The following PRKG1 variants were observed in gnomAD, a reference collection of about 807,000 sequenced individuals.
PRKG1 encodes cGMP-dependent protein kinase 1.
In PRKG1, 35 loss-of-function variants were observed where a neutral mutation model predicts 88.1. The ratio of observed to expected loss-of-function variants is 0.40; its 90% confidence interval spans 0.30 to 0.53. The LOEUF (loss-of-function observed/expected upper bound fraction) is 0.53, where lower values mean the gene tolerates loss of function less well. Among genes scored for constraint, PRKG1 ranks in the 20% least tolerant of loss-of-function variants. The pLI, the probability that PRKG1 is intolerant of heterozygous loss-of-function variation, is 0.59. For synonymous variants in PRKG1, 303 were observed against 292.5 expected, an observed-to-expected ratio of 1.04 and a Z score of -0.37; for missense variants, 540 against 839.8, an observed-to-expected ratio of 0.64 and a Z score of 4.41.
intron 4 of PRKG1, among the ~76,000 whole-genome samples, chr10:51,882,785 A>T (rs1171292683): frequency 6.6e-6 from 1 of 152,184 alleles, no homozygotes; most frequent in Non-Finnish European, 1.5e-5. Context: ...TCATGCCAAT[A>T]GACTTCTGGT....
rs1173460304 is a variant in PRKG1 at position 51,270,360 on chromosome 10, T to A, written c.478+117030T>A. Among the ~76,000 whole-genome samples, 3 of 152,160 alleles carry A rather than the reference T, an allele frequency of 2.0e-5. No homozygotes were observed. In the East Asian group the frequency reaches 5.8e-4, roughly 29 times the overall value. The stretch of plus-strand genomic sequence containing the variant: ...GCAAGCTCTGATCATTCATTTTGGA[T>A]TTTTTAAGAGTAATTTGGTGGAGGA... On this transcript the variant is annotated intron_variant, in intron 2 of 17. Transcript: ENST00000373980.
chr10:51,596,538 T>C (rs4935270), intron 3 of PRKG1, among the ~76,000 whole-genome samples: 45,833 of 152,016 alleles, frequency 0.3, 8,100 homozygotes, highest in Non-Finnish European at 0.4. Flanking sequence ...TCCCTTTTTT[T>C]CCTCTTCCTC....
intron 2 of PRKG1, among the ~76,000 whole-genome samples, chr10:51,364,071 G>A (rs1021527931): frequency 6.6e-6 from 1 of 151,950 alleles, no homozygotes; most frequent in African/African-American, 2.4e-5. Context: ...GGCAGGACAT[G>A]CTCAGCCTTC....
intron 3 of PRKG1, chr10:51,699,478 T>G (rs992215828): frequency 1.2e-6 from 2 of 1,613,704 alleles, no homozygotes; most frequent in Non-Finnish European, 8.5e-7. Context: ...TTGCCTCATA[T>G]GGAATGTTCC....
At chr10:51,189,732 T>C (rs917878474) in intron 2 of PRKG1, among the ~76,000 whole-genome samples, 2 of 151,974 alleles carry the variant, frequency 1.3e-5, no homozygotes, top group Admixed American at 6.6e-5. Flanking sequence ...AATTAAAATA[T>C]TATGAATGTA....
intron 3 of PRKG1, among the ~76,000 whole-genome samples, chr10:51,658,948 T>C (rs991093704): frequency 6.6e-6 from 1 of 152,102 alleles, no homozygotes; most frequent in Non-Finnish European, 1.5e-5. Flanking sequence ...TCTACTCCCA[T>C]ATTACTAGAC....
chr10:51,413,401 T>C (rs1838154942), intron 2 of PRKG1, among the ~76,000 whole-genome samples: 3 of 152,068 alleles, frequency 2.0e-5, no homozygotes, highest in Non-Finnish European at 2.9e-5. Flanking sequence ...AGTCTCTCCC[T>C]GTCACCCAGG....
chr10:51,957,125 C>G (rs1843326193), intron 5 of PRKG1, among the ~76,000 whole-genome samples: 1 of 46,376 alleles, frequency 2.2e-5, no homozygotes, highest in Admixed American at 2.4e-4. Flanking sequence ...TTCTTTCCTG[C>G]TTTCTTTCTT....
Position 51,945,214 on chromosome 10 carries a change from C to T in PRKG1, c.762+37644C>T, listed in dbSNP as rs966777157. ...GATCCCTTTACCATTATGTAATGGC[C>T]TTCTTTGTCTGTTTTGATCTTTGTT... On this transcript the variant is annotated intron_variant, in intron 5 of 17. Transcript: ENST00000373980. Among the ~76,000 whole-genome samples, 71 of 147,718 alleles carry T rather than the reference C, an allele frequency of 4.8e-4. 2 individuals carry two copies. Among genetic ancestry groups the T allele is most frequent in the Non-Finnish European group, 1.6e-4 (11 of 67,126 alleles).
At chr10:51,689,016 A>T (rs916138295) in intron 3 of PRKG1, among the ~76,000 whole-genome samples, 1 of 152,114 alleles carries the variant, frequency 6.6e-6, no homozygotes, top group African/African-American at 2.4e-5. Context: ...AAACAGTGGT[A>T]TCCCTGCACA....
intron 5 of PRKG1, among the ~76,000 whole-genome samples, chr10:51,941,868 G>C (rs1842916815): frequency 6.6e-6 from 1 of 151,838 alleles, no homozygotes. Context: ...GGACATTTGG[G>C]TTGGTTCCAA....
At chr10:51,230,500 G>T (rs1278635851) in intron 2 of PRKG1, among the ~76,000 whole-genome samples, 1 of 152,120 alleles carries the variant, frequency 6.6e-6, no homozygotes. Flanking sequence ...TTATGTGGTT[G>T]TAAGAATTAG....
At chr10:51,887,847 T>A (rs1438220344) in intron 4 of PRKG1, among the ~76,000 whole-genome samples, 1 of 152,218 alleles carries the variant, frequency 6.6e-6, no homozygotes, top group East Asian at 1.9e-4. Context: ...ATTAATCTCT[T>A]ATGAGATAGG....
Position 50,991,510 on chromosome 10 carries a change from G to A in PRKG1, c.132G>A (p.Gln44=). The A allele has an allele frequency of 1.2e-6, 2 of 1,611,818 alleles. No individual in the cohort carries two copies. Among genetic ancestry groups the A allele is most frequent in the Non-Finnish European group, 1.7e-6 (2 of 1,179,144 alleles). ...TGAAGAGGAAACTCCACAAATGCCA[G>A]TCGGTGCTCCCAGTGCCCTCGACCC... The change falls in exon 1 of 18, where the codon CAG becomes CAA. Residue 44 remains glutamine (Q), a synonymous_variant. Coordinates refer to the PRKG1 transcript ENST00000401604. This position sits in a 1 kb window ranked among gnomAD's most constrained non-coding sequence, Gnocchi z 4.5.
At chr10:52,174,938 T>G (rs1838821978) in intron 9 of PRKG1, among the ~76,000 whole-genome samples, 1 of 152,086 alleles carries the variant, frequency 6.6e-6, no homozygotes, top group Admixed American at 6.5e-5. Context: ...TAATGTATAG[T>G]GATCTGATCA....
At chr10:52,244,872 T>G (rs1411310869) in intron 9 of PRKG1, among the ~76,000 whole-genome samples, 3 of 119,262 alleles carry the variant, frequency 2.5e-5, no homozygotes, top group Admixed American at 8.9e-5. Context: ...TTAAATATTA[T>G]AAAATATTTA....
At chr10:52,111,710 A>C (rs1437432511) in intron 7 of PRKG1, among the ~76,000 whole-genome samples, 1 of 152,176 alleles carries the variant, frequency 6.6e-6, no homozygotes, top group South Asian at 2.1e-4. Flanking sequence ...CACTTTGTGC[A>C]GTGTTGAGTT....
intron 3 of PRKG1, among the ~76,000 whole-genome samples, chr10:51,683,874 T>C (rs1222146213): frequency 2.6e-5 from 4 of 152,136 alleles, no homozygotes; most frequent in Non-Finnish European, 5.9e-5. Flanking sequence ...CAGAATCAGA[T>C]TGGTCTATTG....
intron 1 of PRKG1, among the ~76,000 whole-genome samples, chr10:51,113,705 AG>A (rs2131900706): frequency 6.8e-6 from 1 of 146,514 alleles, no homozygotes; most frequent in East Asian, 2.1e-4. Context: ...CCAAAGCAGT[AG>A]GAATATTTTG....
Sources: allele counts gnomAD v4.1 joint callset (sites outside exome capture counted in the v4.1 genomes callset), GRCh38; gene constraint gnomAD v4.1.1; non-coding constraint Gnocchi (gnomAD v3.1); transcripts MANE v1.5; gene names NCBI Gene and HGNC (gene_info 2026-07-23, HGNC 2026-07-21).